Variants in REPS1 observed in about 807,000 individuals in gnomAD.
REPS1 encodes the protein ralBP1-associated Eps domain-containing protein 1.
REPS1 carries 39 observed loss-of-function variants against 100.9 expected under a neutral mutation model. The observed-to-expected ratio is 0.39, with a 90% CI of 0.30 to 0.50. The LOEUF is 0.50. REPS1 is among the 20% of genes least tolerant of loss of function. The pLI, the probability that REPS1 is intolerant of heterozygous loss-of-function variation, is 0.86. For missense variants in REPS1, 821 were observed against 968.5 expected (o/e 0.85, Z 2.02); for synonymous variants, 324 against 340.3 (o/e 0.95, Z 0.53).
At chr6:138,919,858 T>A (rs906067979) in intron 12 of REPS1, among the ~76,000 whole-genome samples, 2 of 148,200 alleles carry the variant, frequency 1.3e-5, no homozygotes, top group Non-Finnish European at 3.0e-5. Flanking sequence ...CAGCAAAGAC[T>A]TTTTTACTGT....
At chr6:138,914,871 G>T in intron 14 of REPS1, 110 bp from the exon 15 acceptor site, 1 of 979,758 alleles carries the variant, frequency 1.0e-6, no homozygotes, top group Non-Finnish European at 1.5e-6. Context: ...AAGAATGTTT[G>T]TTAAGTATTA....
intron 1 of REPS1, among the ~76,000 whole-genome samples, chr6:138,963,377 G>A (rs1783845280): frequency 6.6e-6 from 1 of 152,040 alleles, no homozygotes; most frequent in African/African-American, 2.4e-5. Flanking sequence ...CAGGACTATG[G>A]CTTAGGTACA....
chr6:138,908,544 C>G, intron 18 of REPS1, 124 bp downstream of exon 18: 2 of 1,005,480 alleles, frequency 2.0e-6, no homozygotes, highest in Non-Finnish European at 3.1e-6. Flanking sequence ...ATCTGCCCAG[C>G]TCAGCCTCCC....
chr6:138,944,050 T>C (rs192912154), intron 5 of REPS1, 35 bp from the exon 6 acceptor site: 2 of 1,593,302 alleles, frequency 1.3e-6, no homozygotes, highest in Non-Finnish European at 8.6e-7. Context: ...GTACAATATC[T>C]ACCTACATGA....
At chr6:138,928,484 T>C (rs1237556387) in intron 9 of REPS1, 1 of 150,170 alleles carries the variant, frequency 6.7e-6, no homozygotes, top group Non-Finnish European at 1.5e-5. Flanking sequence ...ACATTTTGAT[T>C]TTTCACATAT....
At chr6:138,911,049 G>T in intron 17 of REPS1, 1 of 413,870 alleles carries the variant, frequency 2.4e-6, no homozygotes, top group Non-Finnish European at 4.3e-6. Context: ...ATAGTGGGAA[G>T]AATGCAATAA....
chr6:138,912,812 T>C lies in REPS1; in HGVS notation c.1924A>G (p.Asn642Asp), dbSNP rs763299120. The stretch of plus-strand genomic sequence containing the variant: ...TCGGCTTCATCATCTTGTTCGTCGT[T>C]TACATTTGATGCAGCAAATACTTCA... ...QFEVFAASNV[N>D]DEQDDEAEKH... The change falls in exon 16 of 20, where the codon AAC becomes GAC. Residue 642 changes from asparagine to aspartate, a missense_variant. Physicochemically the swap from Asn to Asp is conservative, Grantham distance 23 (BLOSUM62 1). Transcript: ENST00000450536. The C allele has an allele frequency of 1.9e-6, 3 of 1,614,146 alleles. No homozygotes were observed. The highest frequency in any genetic ancestry group is 1.3e-5 in the African/African-American group (1 of 75,026).
rs1226228948 is a variant in REPS1, at chr6:138,904,972, T to G, written c.*92A>C. On this transcript the variant is annotated 3_prime_UTR_variant, in exon 20 of 20. Transcript: ENST00000450536. ...CAGAATCATAAAATTTAATGTTGAG[T>G]TAAGCAGTGAGCTGAATGTCTAGGT... 1 of 908,448 alleles carries G rather than the reference T, an allele frequency of 1.1e-6. No homozygotes were observed. The highest frequency in any genetic ancestry group is 1.7e-5 in the African/African-American group (1 of 60,580). The allele number at this position is 908,448 out of a possible 1,614,324, so 56.3% of individuals were successfully genotyped here. A position where few individuals can be genotyped will look rare whatever the true frequency, so the allele number is the denominator to read the frequency against.
intron 16 of REPS1, among the ~76,000 whole-genome samples, chr6:138,911,754 G>A (rs558996737): frequency 1.3e-5 from 2 of 151,302 alleles, no homozygotes; most frequent in South Asian, 2.1e-4. Flanking sequence ...GTGTGAGGGA[G>A]AGGAGGATGG....
chr6:138,953,272 C>T (rs950273138), intron 1 of REPS1, among the ~76,000 whole-genome samples: 1 of 152,088 alleles, frequency 6.6e-6, no homozygotes, highest in African/African-American at 2.4e-5. Flanking sequence ...TGCTTCGGTA[C>T]ATCAGTGTGG....
chr6:138,937,649 A>G lies in REPS1; in HGVS notation c.1135+3686T>C, dbSNP rs1000590074. Among the ~76,000 whole-genome samples the G allele has an allele frequency of 5.3e-5, 8 of 152,356 alleles. No homozygotes were observed. The East Asian group carries it at 1.5e-3, about 29-fold the overall frequency. ...ATGCAGAAGGAGATGGAGACAGGGA[A>G]GCACACATCCCTTTCCTTCTTTCAG... On this transcript the variant is annotated intron_variant, in intron 8 of 19. Transcript: ENST00000450536.
chr6:138,987,266 C>A (rs1223431308), intron 1 of REPS1, among the ~76,000 whole-genome samples: 1 of 152,224 alleles, frequency 6.6e-6, no homozygotes, highest in Non-Finnish European at 1.5e-5. Context: ...CAGTACAGAG[C>A]ACAGATTCTC....
chr6:138,953,129 G>A (rs944441361), intron 1 of REPS1, among the ~76,000 whole-genome samples: 13 of 151,962 alleles, frequency 8.6e-5, no homozygotes, highest in Admixed American at 2.6e-4. Flanking sequence ...GAGCCATTGC[G>A]CCAAATTATA....
intron 1 of REPS1, among the ~76,000 whole-genome samples, chr6:138,977,412 C>A (rs945958229): frequency 1.3e-5 from 2 of 152,196 alleles, no homozygotes; most frequent in African/African-American, 4.8e-5. Flanking sequence ...CAGCTCACTG[C>A]AGCCTCAAAC....
Position 138,944,608 on chromosome 6 carries a change from C to T in REPS1, c.643G>A (p.Asp215Asn). 3.7e-6 allele frequency: 6 copies of T among 1,613,678 alleles called. No individual in the cohort carries two copies. The highest frequency in any genetic ancestry group is 5.1e-6 in the Non-Finnish European group (6 of 1,179,880). ...GGGGAATGCCCTGACCACACTGCAT[C>T]ACCAGCAGAAGAACCTATAAGGAGA... Reference protein sequence around the residue: ...GEAQSGSSAGDAVWSGHSPPP... With the variant: ...GEAQSGSSAGNAVWSGHSPPP... The change falls in exon 5 of 20, where the codon GAT (aspartate) becomes AAT (asparagine). Residue 215 changes from aspartate to asparagine, a missense_variant. This residue lies in a region of REPS1 where 757 missense variants were observed against 866.4 expected (regional missense o/e 0.87). Transcript: ENST00000450536.
intron 10 of REPS1, among the ~76,000 whole-genome samples, chr6:138,925,872 G>A (rs1781084380): frequency 6.6e-6 from 1 of 152,152 alleles, no homozygotes; most frequent in African/African-American, 2.4e-5. Flanking sequence ...AAGAAGACAA[G>A]ACAGAGGCTC....
chr6:138,952,941 G>A (rs994697340), intron 1 of REPS1, among the ~76,000 whole-genome samples: 14 of 151,482 alleles, frequency 9.2e-5, no homozygotes, highest in South Asian at 4.2e-4. Context: ...GCGTTCAAGC[G>A]ATTCTCCTGT....
intron 1 of REPS1, among the ~76,000 whole-genome samples, chr6:138,961,006 C>T (rs1031490205): frequency 6.6e-6 from 1 of 151,952 alleles, no homozygotes; most frequent in Admixed American, 6.6e-5. Flanking sequence ...AATGGCAGGC[C>T]CACTTCCTTC....
At position 138,915,341 on chromosome 6, in the gene REPS1, C is replaced by T. The variant is rs544245571; in HGVS notation, c.1720+517G>A. 3.0e-5 allele frequency among the ~76,000 whole-genome samples: 4 copies of T among 133,180 alleles called. No homozygotes were observed. The East Asian group carries it at 7.7e-4, about 26-fold the overall frequency. 87.4% of individuals were successfully genotyped at this position (133,180 alleles called of 152,430 possible). On this transcript the variant is annotated intron_variant, in intron 14 of 19. Transcript: ENST00000450536. ...GTTCTTTTAAAATTTCCTGTGACAT[C>T]TCTCAGGTTCCCATCTTCATTATTT...
Sources: gnomAD v4.1 joint callset for allele counts (sites outside exome capture counted in the v4.1 genomes callset) on GRCh38, gnomAD v4.1.1 for gene constraint, gnomAD v4.1.1 regional missense constraint, MANE v1.5 for transcripts, NCBI Gene and HGNC (gene_info 2026-07-23, HGNC 2026-07-21) for gene names.